The following SPIDR variants were observed in gnomAD, a reference collection of about 807,000 sequenced individuals.
SPIDR encodes the protein scaffold protein involved in DNA repair.
Under a neutral mutation model 104.6 loss-of-function variants are expected in SPIDR, and 93 were observed. The ratio of observed to expected loss-of-function variants is 0.89; its 90% CI spans 0.75 to 1.06. The LOEUF is 1.06. SPIDR is among the 50% of genes least tolerant of loss of function. The pLI is 0.00. For missense variants in SPIDR, 1,154 were observed against 1,111.2 expected (o/e 1.04, Z -0.55); for synonymous variants, 431 against 416.9 (o/e 1.03, Z -0.41).
intron 8 of SPIDR, among the ~76,000 whole-genome samples, chr8:47,571,131 G>T (rs891254782): frequency 6.6e-6 from 1 of 152,002 alleles, no homozygotes. Context: ...AGAGTAGAAG[G>T]GTGTACCAGG....
chr8:47,653,643 CT>C (rs964504735), intron 10 of SPIDR, among the ~76,000 whole-genome samples: 20 of 152,146 alleles, frequency 1.3e-4, no homozygotes, highest in Non-Finnish European at 2.1e-4. Context: ...TCTTATGTCC[CT>C]TTTCCCCAGG....
chr8:47,265,951 C>G (rs2033884707), intron 1 of SPIDR, among the ~76,000 whole-genome samples: 1 of 151,370 alleles, frequency 6.6e-6, no homozygotes, highest in Non-Finnish European at 1.5e-5. Context: ...AACTTCTAAT[C>G]ACCTGCCAAA....
intron 5 of SPIDR, among the ~76,000 whole-genome samples, chr8:47,341,926 T>C (rs2050829587): frequency 6.6e-6 from 1 of 152,210 alleles, no homozygotes; most frequent in East Asian, 1.9e-4. Context: ...ACAGGACGTG[T>C]TTCTCGGAGT....
At chr8:47,519,106 C>G (rs1472120026) in intron 8 of SPIDR, among the ~76,000 whole-genome samples, 1 of 152,114 alleles carries the variant, frequency 6.6e-6, no homozygotes, top group Non-Finnish European at 1.5e-5. Flanking sequence ...GGACAGTTCT[C>G]TGACCTGGCT....
chr8:47,546,922 T>C, intron 8 of SPIDR: 1 of 459,612 alleles, frequency 2.2e-6, no homozygotes, highest in Non-Finnish European at 4.2e-6. Flanking sequence ...AACAAAAACG[T>C]TGGAAAGCCA....
Position 47,394,740 on chromosome 8 carries a change from C to T in SPIDR, c.526-1636C>T, listed in dbSNP as rs74968256. The stretch of plus-strand genomic sequence containing the variant: ...TTAAATATGGAGTTCTTAAGTAATA[C>T]GTAAAGGGTTTTAGTGTCAGCTTCA... On this transcript the variant is annotated intron_variant, in intron 5 of 19. Transcript: ENST00000297423. Among the ~76,000 whole-genome samples, 725 of 152,094 alleles carry T rather than the reference C, an allele frequency of 4.8e-3. 5 individuals are homozygous for T. Among genetic ancestry groups the T allele is most frequent in the African/African-American group, 0.017 (688 of 41,510 alleles).
intron 11 of SPIDR, among the ~76,000 whole-genome samples, chr8:47,694,245 A>G (rs2154480421): frequency 6.6e-6 from 1 of 152,316 alleles, no homozygotes. Flanking sequence ...TCAGCAACAA[A>G]TAGGAAATTG....
At chr8:47,320,892 TAAC>T (rs1554594684) in intron 5 of SPIDR, among the ~76,000 whole-genome samples, 1 of 152,110 alleles carries the variant, frequency 6.6e-6, no homozygotes, top group Non-Finnish European at 1.5e-5. Context: ...TGACAAAATT[TAAC>T]AACCCTTCAT....
At chr8:47,312,632 A>G (rs1449981435) in intron 5 of SPIDR, among the ~76,000 whole-genome samples, 5 of 152,084 alleles carry the variant, frequency 3.3e-5, no homozygotes, top group Admixed American at 1.3e-4. Context: ...CCTTTGTCAG[A>G]TGAGGTAGGT....
chr8:47,334,849 A>C (rs1358559432), intron 5 of SPIDR, among the ~76,000 whole-genome samples: 1 of 152,098 alleles, frequency 6.6e-6, no homozygotes, highest in Non-Finnish European at 1.5e-5. Flanking sequence ...CCACTCTTTG[A>C]GCATTTTATA....
At chr8:47,627,215 A>G (rs1272453299) in intron 10 of SPIDR, among the ~76,000 whole-genome samples, 2 of 152,170 alleles carry the variant, frequency 1.3e-5, no homozygotes, top group Non-Finnish European at 2.9e-5. Flanking sequence ...AGGAAGGGGA[A>G]GATCACACTC....
At chr8:47,449,970 C>T (rs984962588) in intron 8 of SPIDR, among the ~76,000 whole-genome samples, 1 of 152,042 alleles carries the variant, frequency 6.6e-6, no homozygotes, top group Non-Finnish European at 1.5e-5. Flanking sequence ...TCCAGGAGTT[C>T]GTGAGCAGCC....
intron 8 of SPIDR, among the ~76,000 whole-genome samples, chr8:47,591,566 C>T (rs1338335770): frequency 1.3e-5 from 2 of 151,964 alleles, no homozygotes; most frequent in Non-Finnish European, 2.9e-5. Flanking sequence ...GGGGAATCTA[C>T]ATTTGACAGC....
chr8:47,520,188 T>C (rs919341240), intron 8 of SPIDR, among the ~76,000 whole-genome samples: 2 of 152,212 alleles, frequency 1.3e-5, no homozygotes, highest in Non-Finnish European at 2.9e-5. Context: ...GGGACACGCC[T>C]CTTGTAACAC....
At chr8:47,500,703 G>C (rs1334923454) in intron 8 of SPIDR, among the ~76,000 whole-genome samples, 1 of 152,044 alleles carries the variant, frequency 6.6e-6, no homozygotes, top group Non-Finnish European at 1.5e-5. Flanking sequence ...TGGTTTAGAT[G>C]TGAAGTCCTT....
chr8:47,694,550 CT>C (rs1295821690), intron 11 of SPIDR, among the ~76,000 whole-genome samples: 1 of 152,216 alleles, frequency 6.6e-6, no homozygotes, highest in East Asian at 1.9e-4. Context: ...AGGAGGATCA[CT>C]TGAGGCCAAA....
chr8:47,722,634 A>T lies in SPIDR; in HGVS notation c.2342-4566A>T, dbSNP rs990914819. On this transcript the variant is annotated intron_variant, in intron 16 of 19. Coordinates refer to ENST00000297423, the MANE Select transcript of SPIDR (RefSeq NM_001080394.4). Reference sequence around the variant, plus strand: ...ACTTTATATTGTTAAGATTGGTAACATTCTGTTGTATAACTATAATTAAGC... The same window carrying T: ...ACTTTATATTGTTAAGATTGGTAACTTTCTGTTGTATAACTATAATTAAGC... Among the ~76,000 whole-genome samples, 14 of 152,314 alleles carry T rather than the reference A, an allele frequency of 9.2e-5. No individual in the cohort carries two copies. In the East Asian group the frequency reaches 2.5e-3, roughly 27 times the overall value.
intron 11 of SPIDR, among the ~76,000 whole-genome samples, chr8:47,688,912 C>A (rs1340666813): frequency 3.3e-5 from 5 of 152,156 alleles, no homozygotes; most frequent in Non-Finnish European, 7.4e-5. Context: ...TAGTGGAATT[C>A]ACTGTGGTTT....
chr8:47,358,589 C>G (rs1323229237), intron 5 of SPIDR, among the ~76,000 whole-genome samples: 4 of 152,094 alleles, frequency 2.6e-5, no homozygotes, highest in Non-Finnish European at 5.9e-5. Flanking sequence ...ACAGCTTTCC[C>G]ACAACAATCT....
Sources: allele counts gnomAD v4.1 joint callset (sites outside exome capture counted in the v4.1 genomes callset), GRCh38; gene constraint gnomAD v4.1.1; transcripts MANE v1.5; gene names NCBI Gene and HGNC (gene_info 2026-07-23, HGNC 2026-07-21).